DTNB: variants seen among roughly 807,000 people sequenced by gnomAD.
DTNB encodes DTN-B.
A neutral mutation model predicts 90.7 loss-of-function variants in DTNB; 63 were observed. The observed-to-expected ratio is 0.69, with a 90% CI of 0.57 to 0.86. The LOEUF (loss-of-function observed/expected upper bound fraction) is 0.86, where lower values mean the gene tolerates loss of function less well. DTNB is among the 40% of genes least tolerant of loss of function. DTNB has a pLI of 0.00. For missense variants in DTNB, 744 were observed against 807.1 expected, an observed-to-expected ratio of 0.92 and a Z score of 0.95; for synonymous variants, 277 against 286.7, an observed-to-expected ratio of 0.97 and a Z score of 0.34.
chr2:25,389,575 C>T (rs1014105296), intron 16 of DTNB, among the ~76,000 whole-genome samples: 2 of 152,186 alleles, frequency 1.3e-5, no homozygotes, highest in East Asian at 3.8e-4. Flanking sequence ...TGTAGCTCTT[C>T]AGCACAACGG....
At chr2:25,519,479 T>C (rs1419378406) in intron 9 of DTNB, among the ~76,000 whole-genome samples, 4 of 151,710 alleles carry the variant, frequency 2.6e-5, no homozygotes. Flanking sequence ...GCAAGACAAT[T>C]AATATCAGAT....
intron 12 of DTNB, among the ~76,000 whole-genome samples, chr2:25,436,665 TC>T (rs2055888562): frequency 6.6e-6 from 1 of 152,208 alleles, no homozygotes; most frequent in South Asian, 2.1e-4. Flanking sequence ...TGATTTTTCT[TC>T]CTCCAGAGAA....
intron 15 of DTNB, among the ~76,000 whole-genome samples, chr2:25,426,194 G>C (rs552769254): frequency 6.6e-6 from 1 of 152,282 alleles, no homozygotes; most frequent in South Asian, 2.1e-4. Context: ...CCAGATTAAA[G>C]GATAGTCAGA....
chr2:25,620,746 C>A (rs2072328954), intron 4 of DTNB, among the ~76,000 whole-genome samples: 1 of 152,090 alleles, frequency 6.6e-6, no homozygotes, highest in South Asian at 2.1e-4. Flanking sequence ...GCTGGAGAAT[C>A]CCTTGAAGCC....
chr2:25,662,683 C>A (rs201705452), intron 1 of DTNB, among the ~76,000 whole-genome samples: 36 of 101,694 alleles, frequency 3.5e-4, no homozygotes, highest in African/African-American at 9.3e-4. Flanking sequence ...CACACACAAA[C>A]ACACACACAC....
intron 6 of DTNB, among the ~76,000 whole-genome samples, chr2:25,583,309 A>G (rs1438771920): frequency 6.6e-6 from 1 of 150,882 alleles, no homozygotes; most frequent in African/African-American, 2.4e-5. Flanking sequence ...ATATAAAATA[A>G]AATTACTGAT....
At chr2:25,446,262 G>C (rs2058409967) in intron 12 of DTNB, among the ~76,000 whole-genome samples, 1 of 152,050 alleles carries the variant, frequency 6.6e-6, no homozygotes, top group African/African-American at 2.4e-5. Context: ...TTTGAGACAG[G>C]GTCTTGCTGT....
chr2:25,613,359 A>G (rs2069188101), intron 4 of DTNB, among the ~76,000 whole-genome samples: 1 of 152,314 alleles, frequency 6.6e-6, no homozygotes, highest in East Asian at 1.9e-4. Context: ...TAGTGAGCAC[A>G]GTACTCAACA....
chr2:25,631,947 C>A (rs7560821), intron 3 of DTNB, among the ~76,000 whole-genome samples: 19,969 of 152,090 alleles, frequency 0.13, 1,763 homozygotes, highest in South Asian at 0.29. Context: ...GTAATCCCAG[C>A]ACTTTGGGAG....
At chr2:25,638,892 T>A (rs370532571) in intron 3 of DTNB, 122 bp downstream of exon 3, 1 of 982,288 alleles carries the variant, frequency 1.0e-6, no homozygotes. Flanking sequence ...GCTTACATAC[T>A]AATAAATACT....
chr2:25,450,473 A>G (rs962097550), intron 12 of DTNB, among the ~76,000 whole-genome samples: 1 of 152,158 alleles, frequency 6.6e-6, no homozygotes, highest in African/African-American at 2.4e-5. Context: ...CTTAATGTCA[A>G]GTAGGATTAA....
At chr2:25,546,888 C>A (rs1237116745) in intron 8 of DTNB, among the ~76,000 whole-genome samples, 1 of 151,820 alleles carries the variant, frequency 6.6e-6, no homozygotes, top group Non-Finnish European at 1.5e-5. Context: ...CTCTGTTGCC[C>A]ATGCTGGAGT....
rs981492508 is a variant in DTNB at position 25,610,476 on chromosome 2, T to C, written c.363-3155A>G. On this transcript the variant is annotated intron_variant, in intron 4 of 20. Transcript: ENST00000406818. ...GATCAACGATTATGCCTTTAGTTAA[T>C]TCTGTATGGTATCCTTTTTAACTTT... Among the ~76,000 whole-genome samples, 35 of 152,356 alleles carry C rather than the reference T, an allele frequency of 2.3e-4. 1 individual carries two copies. The highest frequency in any genetic ancestry group is 8.4e-4 in the African/African-American group (35 of 41,584).
At chr2:25,601,024 G>A (rs2065771141) in intron 5 of DTNB, among the ~76,000 whole-genome samples, 1 of 151,910 alleles carries the variant, frequency 6.6e-6, no homozygotes, top group East Asian at 1.9e-4. Context: ...TTGAGTTATG[G>A]GTTTAAAACA....
At chr2:25,506,348 A>T (rs991399672) in intron 9 of DTNB, among the ~76,000 whole-genome samples, 2 of 152,192 alleles carry the variant, frequency 1.3e-5, no homozygotes, top group African/African-American at 2.4e-5. Context: ...GATACCCTAA[A>T]TACCGAGTTG....
chr2:25,502,880 T>TAAAAAAAAAAAAAAAA (rs776792939), intron 9 of DTNB, among the ~76,000 whole-genome samples: 1 of 79,502 alleles, frequency 1.3e-5, no homozygotes, highest in African/African-American at 5.1e-5. Context: ...AGCAACTGTC[T>TAAAAAAAAAAAAAAAA]AAAAAAAAAA....
At chr2:25,672,381 G>A (rs2086191082) in intron 1 of DTNB, among the ~76,000 whole-genome samples, 1 of 152,188 alleles carries the variant, frequency 6.6e-6, no homozygotes, top group East Asian at 1.9e-4. Flanking sequence ...CAACCGCTGT[G>A]AGCCAGGCAA....
rs527978607 is a variant in DTNB, at chr2:25,571,787, A to T, written c.876+5051T>A. ...AGCCAGTTCCTTTGGAGACCATTCT[A>T]TTTGGTCAATGTATATCGGCAGTGG... On this transcript the variant is annotated intron_variant, in intron 8 of 20. Transcript: ENST00000406818. 2.0e-5 allele frequency among the ~76,000 whole-genome samples: 3 copies of T among 152,068 alleles called. No individual in the cohort carries two copies. The East Asian group carries it at 5.8e-4, about 29-fold the overall frequency.
intron 10 of DTNB, chr2:25,481,658 T>TAA (rs1279257376): frequency 6.6e-6 from 1 of 152,324 alleles, no homozygotes; most frequent in East Asian, 1.9e-4. Context: ...TCTGATTTAT[T>TAA]AAGTCCCTAA....
Sources: allele counts gnomAD v4.1 joint callset (sites outside exome capture counted in the v4.1 genomes callset), GRCh38; gene constraint gnomAD v4.1.1; transcripts MANE v1.5; gene names NCBI Gene and HGNC (gene_info 2026-07-23, HGNC 2026-07-21).